OTOGL: variants seen among roughly 807,000 people sequenced by gnomAD.
The protein encoded by OTOGL is otogelin like, also known as otogelin-like protein.
A neutral mutation model predicts 318.5 loss-of-function variants in OTOGL; 285 were observed. That is an observed-to-expected ratio of 0.89 (90% confidence interval 0.81 to 0.99). The LOEUF is 0.99. Among genes scored for constraint, OTOGL ranks in the 50% least tolerant of loss-of-function variants. OTOGL has a pLI of 0.00. For synonymous variants in OTOGL, 987 were observed against 936.5 expected (o/e 1.05, Z -0.99); for missense variants, 2,899 against 2,845.6 (o/e 1.02, Z -0.43).
intron 1 of OTOGL, among the ~76,000 whole-genome samples, chr12:80,127,583 G>A (rs996327204): frequency 8.5e-5 from 13 of 152,122 alleles, no homozygotes; most frequent in Non-Finnish European, 1.5e-4. Flanking sequence ...CTGAATGTTG[G>A]CCTGCCTTGC....
rs564117765 is a variant in OTOGL, at chr12:80,328,738, C to A, written c.4273C>A (p.Arg1425=). 2.5e-6 allele frequency: 4 copies of A among 1,594,066 alleles called. No homozygotes were observed. The highest frequency in any genetic ancestry group is 3.4e-6 in the Non-Finnish European group (4 of 1,162,226). The change falls in exon 36 of 59, where the codon CGA becomes AGA. Residue 1425 remains arginine (R), a synonymous_variant. Transcript: ENST00000547103. ...DEVTLKCVYP[R]DCIPVIPTEP... ...GGTCACCCTCAAGTGTGTTTATCCACGAGACTGTAAGTGTGAACGTTGCTT... is the reference window on the plus strand; with the variant it reads ...GGTCACCCTCAAGTGTGTTTATCCAAGAGACTGTAAGTGTGAACGTTGCTT...
chr12:80,326,169 C>T (rs1887666965), intron 35 of OTOGL, among the ~76,000 whole-genome samples: 1 of 152,114 alleles, frequency 6.6e-6, no homozygotes, highest in Admixed American at 6.5e-5. Flanking sequence ...TGTGCCCCCT[C>T]CTCCAAGTCC....
chr12:80,199,707 G>A (rs1325804884), intron 1 of OTOGL, among the ~76,000 whole-genome samples: 6 of 151,990 alleles, frequency 3.9e-5, no homozygotes, highest in African/African-American at 1.5e-4. Flanking sequence ...CTGCTTCTAG[G>A]AGTCTCTGTT....
chr12:80,233,590 G>A (rs1879574574), intron 9 of OTOGL, among the ~76,000 whole-genome samples: 1 of 152,192 alleles, frequency 6.6e-6, no homozygotes, highest in Admixed American at 6.5e-5. Context: ...AAGTTGAATA[G>A]TAACTTGGAA....
intron 34 of OTOGL, 85 bp from the exon 35 acceptor site, chr12:80,323,638 G>A (rs1327865039): frequency 1.9e-6 from 2 of 1,041,306 alleles, no homozygotes; most frequent in African/African-American, 3.2e-5. Flanking sequence ...GACAGAGCGA[G>A]ACTGTCTCAA....
intron 44 of OTOGL, among the ~76,000 whole-genome samples, chr12:80,344,458 C>G (rs1889032262): frequency 2.0e-5 from 3 of 152,078 alleles, no homozygotes; most frequent in Admixed American, 6.5e-5. Flanking sequence ...AGGAGAATTG[C>G]TTGAACCTGG....
rs1355875298 is a variant in OTOGL at position 80,255,148 on chromosome 12, A to T, written c.1550A>T (p.Lys517Ile). 6.6e-7 allele frequency: 1 copy of T among 1,525,706 alleles called. No homozygotes were observed. The highest frequency in any genetic ancestry group is 1.4e-5 in the African/African-American group (1 of 71,494). 94.5% of individuals were successfully genotyped at this position (1,525,706 alleles called of 1,614,324 possible). Residue 517 changes from lysine (K) to isoleucine (I), a missense_variant, in exon 16 of 59, where the codon AAA becomes ATA. Around this residue, in one of 3 missense-constraint regions of OTOGL, gnomAD observed 2,607 missense variants for 2,524.9 expected, o/e 1.03. Transcript: ENST00000547103. ...YILVKGTGKDKFTITLQKAPC... is the reference protein window; with the variant it reads ...YILVKGTGKDIFTITLQKAPC... The stretch of plus-strand genomic sequence containing the variant: ...CTCGTGAAAGGAACTGGAAAAGATA[A>T]ATTCACGATTACTTTACAGAAAGCT...
intron 1 of OTOGL, chr12:80,189,586 G>T (rs1052346409): frequency 1.7e-6 from 1 of 587,492 alleles, no homozygotes; most frequent in African/African-American, 2.0e-5. Flanking sequence ...AAGACCAAAA[G>T]AGATAGATTG....
At chr12:80,376,629 T>A (rs559161632) in intron 57 of OTOGL, among the ~76,000 whole-genome samples, 1 of 152,274 alleles carries the variant, frequency 6.6e-6, no homozygotes, top group African/African-American at 2.4e-5. Context: ...GATAAGTGAT[T>A]CTATTAAAAT....
intron 1 of OTOGL, among the ~76,000 whole-genome samples, chr12:80,101,339 G>T (rs984907680): frequency 6.6e-6 from 1 of 152,114 alleles, no homozygotes; most frequent in Non-Finnish European, 1.5e-5. Flanking sequence ...TTAGTACAAA[G>T]AATTTTAAAT....
At chr12:80,118,831 CTCTTG>C (rs1232968451) in intron 1 of OTOGL, among the ~76,000 whole-genome samples, 2 of 150,034 alleles carry the variant, frequency 1.3e-5, no homozygotes, top group Non-Finnish European at 3.0e-5. Flanking sequence ...GGTCCTAAAA[CTCTTG>C]TCTTAAGAAA....
chr12:80,237,772 T>C (rs1389526190), intron 9 of OTOGL, among the ~76,000 whole-genome samples: 2 of 152,196 alleles, frequency 1.3e-5, no homozygotes, highest in Non-Finnish European at 2.9e-5. Flanking sequence ...TCCCGGCGTT[T>C]GATAGTGGAA....
Position 80,188,448 on chromosome 12 carries a change from T to G in OTOGL, c.-19-20965T>G, listed in dbSNP as rs561810401. ...AGCTACTCAGGAGGCTGAGGCAGGA[T>G]AATCACTTGAACCTGGGAGACAGAG... On this transcript the variant is annotated intron_variant, in intron 1 of 58. Transcript: ENST00000547103. Among the ~76,000 whole-genome samples, 46 of 151,094 alleles carry G rather than the reference T, an allele frequency of 3.0e-4. 1 individual carries two copies. The highest frequency in any genetic ancestry group is 7.8e-4 in the East Asian group (4 of 5,108).
At chr12:80,176,561 T>C (rs1194902769) in intron 1 of OTOGL, among the ~76,000 whole-genome samples, 2 of 152,202 alleles carry the variant, frequency 1.3e-5, no homozygotes, top group African/African-American at 4.8e-5. Flanking sequence ...GATCTATTCA[T>C]ATCCTTGCAT....
chr12:80,308,594 A>T lies in OTOGL; in HGVS notation c.3334-2017A>T, dbSNP rs879487029. Among the ~76,000 whole-genome samples the T allele has an allele frequency of 2.7e-3, 416 of 152,212 alleles. 2 individuals are homozygous for T. The highest frequency in any genetic ancestry group is 3.4e-3 in the Middle Eastern group (1 of 294). ...GCCGGGCAGAGGCTGCAATCTCGGC[A>T]CTTTGGGAGGCCAAGGCAGGCTGCT... On this transcript the variant is annotated intron_variant, in intron 29 of 58. Coordinates refer to ENST00000547103, the MANE Select transcript of OTOGL (RefSeq NM_001378609.3).
intron 58 of OTOGL, among the ~76,000 whole-genome samples, chr12:80,377,434 T>C (rs1006083288): frequency 1.3e-5 from 2 of 152,168 alleles, no homozygotes; most frequent in African/African-American, 2.4e-5. Context: ...AGAAATTGAA[T>C]CTAAATGTAT....
At chr12:80,366,935 A>G (rs555873755) in intron 53 of OTOGL, among the ~76,000 whole-genome samples, 72 of 151,940 alleles carry the variant, frequency 4.7e-4, no homozygotes, top group Non-Finnish European at 9.1e-4. Context: ...AAATATAGGC[A>G]TCTAAAAAGT....
At chr12:80,128,614 T>C (rs1406578767) in intron 1 of OTOGL, among the ~76,000 whole-genome samples, 2 of 152,184 alleles carry the variant, frequency 1.3e-5, no homozygotes, top group East Asian at 1.9e-4. Context: ...CTGTCTTTTG[T>C]TTGGCTATGC....
intron 1 of OTOGL, among the ~76,000 whole-genome samples, chr12:80,206,686 A>ATTT (rs774957299): frequency 7.4e-6 from 1 of 134,892 alleles, no homozygotes. Flanking sequence ...ATTGTTTTGT[A>ATTT]TTTTTTTTTT....
Sources: allele counts gnomAD v4.1 joint callset (sites outside exome capture counted in the v4.1 genomes callset), GRCh38; gene constraint gnomAD v4.1.1; regional missense constraint gnomAD v4.1.1; transcripts MANE v1.5; gene names NCBI Gene and HGNC (gene_info 2026-07-23, HGNC 2026-07-21).